MOB3B: variants seen among roughly 807,000 people sequenced by gnomAD.
MOB3B encodes the protein MOB kinase activator 3B.
Under a neutral mutation model 18.7 loss-of-function variants are expected in MOB3B, and 7 were observed. The ratio of observed to expected loss-of-function variants is 0.37; its 90% CI spans 0.21 to 0.70. The LOEUF is 0.70. Among genes scored for constraint, MOB3B ranks in the 30% least tolerant of loss-of-function variants. The pLI, the probability that MOB3B is intolerant of heterozygous loss-of-function variation, is 0.52. For missense variants in MOB3B, 253 were observed against 281.3 expected (o/e 0.90, Z 0.72); for synonymous variants, 111 against 99.9 (o/e 1.11, Z -0.66).
rs117069827 is a variant in MOB3B at position 27,415,434 on chromosome 9, C to T, written c.418+39699G>A. On this transcript the variant is annotated intron_variant, in intron 2 of 3. Transcript: ENST00000262244. The stretch of plus-strand genomic sequence containing the variant: ...AACTATGTACTTTTTTTTTTTAGAA[C>T]TTATCTGTAAGTCTAAAGTTATTTT... Among the ~76,000 whole-genome samples, 1,437 of 150,148 alleles carry T rather than the reference C, an allele frequency of 9.6e-3. 16 individuals carry two copies. The highest frequency in any genetic ancestry group is 0.015 in the Non-Finnish European group (1,038 of 67,674).
chr9:27,465,823 TTTC>T, intron 1 of MOB3B, among the ~76,000 whole-genome samples: 1 of 152,198 alleles, frequency 6.6e-6, no homozygotes, highest in Non-Finnish European at 1.5e-5. Flanking sequence ...ACGTTGGCCC[TTTC>T]GGCCACAGCT....
chr9:27,443,707 C>CA (rs1470847486), intron 2 of MOB3B, among the ~76,000 whole-genome samples: 1 of 152,192 alleles, frequency 6.6e-6, no homozygotes, highest in Non-Finnish European at 1.5e-5. Flanking sequence ...TGAGTTGCCC[C>CA]AAGGGCTGGG....
At chr9:27,525,009 C>T (rs1820413003) in intron 1 of MOB3B, 4 of 1,419,764 alleles carry the variant, frequency 2.8e-6, no homozygotes, top group Non-Finnish European at 9.5e-7. Context: ...ATCTCTTTCT[C>T]CTTCTCCTCC....
At chr9:27,431,884 G>A (rs10967935) in intron 2 of MOB3B, among the ~76,000 whole-genome samples, 27,128 of 152,086 alleles carry the variant, frequency 0.18, 3,286 homozygotes, top group East Asian at 0.47. Context: ...TCAACATGAC[G>A]GATAAACACA....
At chr9:27,398,401 TTTC>T (rs1821831284) in intron 2 of MOB3B, among the ~76,000 whole-genome samples, 2 of 151,034 alleles carry the variant, frequency 1.3e-5, no homozygotes, top group South Asian at 4.1e-4. Flanking sequence ...TCTTCATGGT[TTTC>T]TTTTTTTAGT....
intron 2 of MOB3B, among the ~76,000 whole-genome samples, chr9:27,425,967 G>C (rs1822322943): frequency 6.6e-6 from 1 of 152,208 alleles, no homozygotes; most frequent in South Asian, 2.1e-4. Context: ...AGACGAAATA[G>C]CCCTGATTCA....
chr9:27,373,175 A>C (rs56799759), intron 2 of MOB3B, among the ~76,000 whole-genome samples: 24,000 of 152,146 alleles, frequency 0.16, 2,313 homozygotes, highest in Middle Eastern at 0.24. Flanking sequence ...CCCCTTGTTT[A>C]GAAATTATTA....
At chr9:27,500,784 A>G (rs1332995389) in intron 1 of MOB3B, among the ~76,000 whole-genome samples, 2 of 152,218 alleles carry the variant, frequency 1.3e-5, no homozygotes, top group African/African-American at 2.4e-5. Context: ...TGCACAGCAA[A>G]AGAAACTACC....
chr9:27,359,001 A>G (rs1821233235), intron 3 of MOB3B, 33 bp downstream of exon 3: 1 of 1,604,798 alleles, frequency 6.2e-7, no homozygotes, highest in Middle Eastern at 1.7e-4. Context: ...TCCTGGGGTG[A>G]CTTGGATACC....
chr9:27,476,522 A>G (rs1246499789), intron 1 of MOB3B, among the ~76,000 whole-genome samples: 1 of 152,224 alleles, frequency 6.6e-6, no homozygotes, highest in Non-Finnish European at 1.5e-5. Context: ...ACCCGACTCC[A>G]GTATGACCTC....
At chr9:27,420,556 T>TATAC (rs1362594122) in intron 2 of MOB3B, among the ~76,000 whole-genome samples, 9 of 45,448 alleles carry the variant, frequency 2.0e-4, no homozygotes, top group African/African-American at 5.8e-4. Context: ...TCCATATATA[T>TATAC]ATATATATAT....
intron 1 of MOB3B, among the ~76,000 whole-genome samples, chr9:27,523,516 T>C (rs1820374791): frequency 6.7e-6 from 1 of 149,164 alleles, no homozygotes; most frequent in South Asian, 2.1e-4. Context: ...AAGAGAGAAG[T>C]TAATGAGGCA....
At chr9:27,343,309 T>C (rs1201028684) in intron 3 of MOB3B, among the ~76,000 whole-genome samples, 1 of 151,320 alleles carries the variant, frequency 6.6e-6, no homozygotes, top group Non-Finnish European at 1.5e-5. Flanking sequence ...CACTCCCTAA[T>C]CTCAAGTACC....
At chr9:27,393,339 G>T (rs1821754386) in intron 2 of MOB3B, among the ~76,000 whole-genome samples, 1 of 151,940 alleles carries the variant, frequency 6.6e-6, no homozygotes, top group Admixed American at 6.6e-5. Context: ...AGGGTGCAGA[G>T]AAGTGCATGA....
intron 2 of MOB3B, among the ~76,000 whole-genome samples, chr9:27,363,961 TCTCAAGCTCCTGGG>T (rs1224848216): frequency 6.6e-6 from 1 of 152,026 alleles, no homozygotes; most frequent in Non-Finnish European, 1.5e-5. Context: ...CCCAGCCTGG[TCTCAAGCTCCTGGG>T]CTCAAGCGAT....
At chr9:27,440,024 T>C (rs1283540460) in intron 2 of MOB3B, among the ~76,000 whole-genome samples, 1 of 152,164 alleles carries the variant, frequency 6.6e-6, no homozygotes, top group Non-Finnish European at 1.5e-5. Context: ...GAGAAAATGG[T>C]AGACATCATT....
At chr9:27,484,237 T>C (rs1361135886) in intron 1 of MOB3B, among the ~76,000 whole-genome samples, 1 of 152,186 alleles carries the variant, frequency 6.6e-6, no homozygotes, top group African/African-American at 2.4e-5. Flanking sequence ...GAGGATCCCA[T>C]TAACTCAGAG....
At chr9:27,506,636 A>G (rs1488136843) in intron 1 of MOB3B, among the ~76,000 whole-genome samples, 1 of 151,720 alleles carries the variant, frequency 6.6e-6, no homozygotes, top group Non-Finnish European at 1.5e-5. Flanking sequence ...GATTTAAGCA[A>G]TTCTCTGCCT....
rs1322038547 is a variant in MOB3B at position 27,326,585 on chromosome 9, A to AT, written c.*4001dup. ...CCGAAGAACTGTGAGAGGAGTATAG[A>AT]TTTTTTCACCAAGGAAGTTACTGGC... On this transcript the variant is annotated 3_prime_UTR_variant, in exon 4 of 4. Coordinates refer to ENST00000262244, the MANE Select transcript of MOB3B (RefSeq NM_024761.5). 6 of 398,328 alleles carry AT rather than the reference A, an allele frequency of 1.5e-5. No individual in the cohort carries two copies. In the Admixed American group the frequency reaches 2.2e-4, roughly 15 times the overall value. The allele number at this position is 398,328 out of a possible 1,614,324, so 24.7% of individuals were successfully genotyped here. A position where few individuals can be genotyped will look rare whatever the true frequency, so the allele number is the denominator to read the frequency against.
Sources: allele counts gnomAD v4.1 joint callset (sites outside exome capture counted in the v4.1 genomes callset), GRCh38; gene constraint gnomAD v4.1.1; transcripts MANE v1.5; gene names NCBI Gene and HGNC (gene_info 2026-07-23, HGNC 2026-07-21).